The following TRIM2 variants were observed in gnomAD, a reference collection of about 807,000 sequenced individuals.
TRIM2 encodes the protein tripartite motif-containing protein 2.
TRIM2 carries 20 observed loss-of-function variants against 75.2 expected under a neutral mutation model. The ratio of observed to expected loss-of-function variants is 0.27; its 90% CI spans 0.19 to 0.39. The LOEUF (loss-of-function observed/expected upper bound fraction) is 0.39, where lower values mean the gene tolerates loss of function less well. Ranked by LOEUF, TRIM2 falls within the 10% of genes least tolerant of loss-of-function variation. The probability of loss-of-function intolerance (pLI) is 1.00; values close to 1 mark genes in which losing one functional copy is unlikely to be tolerated. For synonymous variants in TRIM2, 373 were observed against 388.3 expected, an observed-to-expected ratio of 0.96 and a Z score of 0.46; for missense variants, 660 against 990.8, an observed-to-expected ratio of 0.67 and a Z score of 4.48.
At chr4:153,263,254 C>T (rs138977152) in intron 1 of TRIM2, among the ~76,000 whole-genome samples, 2,729 of 151,818 alleles carry the variant, frequency 0.018, 40 homozygotes, top group Non-Finnish European at 0.03. Context: ...ACTTAAGCCT[C>T]GGAGGTGGAG....
At chr4:153,244,709 A>C (rs1431892994) in intron 1 of TRIM2, among the ~76,000 whole-genome samples, 6 of 152,144 alleles carry the variant, frequency 3.9e-5, no homozygotes, top group Admixed American at 3.9e-4. Flanking sequence ...TAGAGAAAGA[A>C]TTTCTGGCCT....
intron 1 of TRIM2, among the ~76,000 whole-genome samples, chr4:153,260,677 CA>C (rs1753186513): frequency 4.0e-5 from 4 of 99,006 alleles, no homozygotes; most frequent in African/African-American, 6.9e-5. Flanking sequence ...CACACACACC[CA>C]CCCACACACC....
chr4:153,256,906 A>T (rs956833802), intron 1 of TRIM2, among the ~76,000 whole-genome samples: 2 of 135,626 alleles, frequency 1.5e-5, no homozygotes, highest in Non-Finnish European at 3.3e-5. Context: ...GTGGAACTGG[A>T]CTGTTTGTTT....
At chr4:153,324,221 G>A (rs1769630805) in intron 10 of TRIM2, 73 bp downstream of exon 10, 1 of 1,318,580 alleles carries the variant, frequency 7.6e-7, no homozygotes, top group Non-Finnish European at 1.1e-6. Context: ...AGAAAATAAT[G>A]CAATACTTAC....
chr4:153,201,149 A>G (rs1056638142), upstream of TRIM2, among the ~76,000 whole-genome samples: 1 of 152,110 alleles, frequency 6.6e-6, no homozygotes, highest in Admixed American at 6.5e-5. Context: ...TTTTTAGTAG[A>G]GACAGAATTT....
chr4:153,334,553 C>G (rs886955907), intron 11 of TRIM2, among the ~76,000 whole-genome samples: 3 of 151,846 alleles, frequency 2.0e-5, no homozygotes, highest in Non-Finnish European at 4.4e-5. Flanking sequence ...AATATAAAAG[C>G]ATATATACTG....
Position 153,337,595 on chromosome 4 carries a change from G to A in TRIM2, c.*2629G>A, listed in dbSNP as rs143884249. The stretch of plus-strand genomic sequence containing the variant: ...ATATGTGCATTTACTGTATTTCTTG[G>A]TAAGCATATTTTTGGGGGAAAGTGC... On this transcript the variant is annotated 3_prime_UTR_variant, in exon 12 of 12. Transcript: ENST00000338700. 1,184 of 985,694 alleles carry A rather than the reference G, an allele frequency of 1.2e-3. 4 individuals carry two copies. In the Admixed American group the frequency reaches 0.018, roughly 15 times the overall value. 61.1% of individuals were successfully genotyped at this position (985,694 alleles called of 1,614,324 possible).
intron 6 of TRIM2, chr4:153,308,080 A>G: frequency 1.2e-6 from 1 of 829,198 alleles, no homozygotes; most frequent in Non-Finnish European, 2.1e-6. Context: ...TACCTATCAA[A>G]TACTTTCTGG....
At chr4:153,261,581 T>C (rs1406447125) in intron 1 of TRIM2, among the ~76,000 whole-genome samples, 1 of 152,186 alleles carries the variant, frequency 6.6e-6, no homozygotes, top group Non-Finnish European at 1.5e-5. Flanking sequence ...TACCCACAAA[T>C]CACATGTTAA....
intron 6 of TRIM2, chr4:153,310,125 A>C (rs1436456679): frequency 6.6e-6 from 1 of 152,196 alleles, no homozygotes; most frequent in African/African-American, 2.4e-5. Context: ...ATCTGGAAAA[A>C]CAAAATGATT....
At chr4:153,199,029 A>G (rs1048265390) in intron 1 of TRIM2, among the ~76,000 whole-genome samples, 1 of 152,248 alleles carries the variant, frequency 6.6e-6, no homozygotes, top group Non-Finnish European at 1.5e-5. Flanking sequence ...TTCAAAGAAC[A>G]CACATCTGCC....
chr4:153,156,315 G>A (rs1297539567), intron 1 of TRIM2, among the ~76,000 whole-genome samples: 4 of 152,170 alleles, frequency 2.6e-5, no homozygotes, highest in Non-Finnish European at 5.9e-5. Flanking sequence ...CTTCCTGGCC[G>A]AGTGTCTACC....
In TRIM2 at chr4:153,191,433, G is replaced by T. The variant is rs188989318; in HGVS notation, c.-49+38163G>T. Among the ~76,000 whole-genome samples the T allele has an allele frequency of 2.0e-5, 3 of 152,366 alleles. No individual in the cohort carries two copies. The East Asian group carries it at 5.8e-4, about 29-fold the overall frequency. Reference sequence around the variant, plus strand: ...GGAGAAAGAGATAACACTTTAAATTGAACATCCATCCCCGAGTGGATGCTT... The same window carrying T: ...GGAGAAAGAGATAACACTTTAAATTTAACATCCATCCCCGAGTGGATGCTT... On this transcript the variant is annotated intron_variant, in intron 1 of 11. Coordinates refer to the TRIM2 transcript ENST00000437508.
intron 1 of TRIM2, among the ~76,000 whole-genome samples, chr4:153,239,148 C>T (rs760374738): frequency 5.3e-5 from 8 of 152,070 alleles, no homozygotes; most frequent in East Asian, 1.9e-4. Flanking sequence ...GTCAGATGAT[C>T]GAGACCATCC....
chr4:153,157,966 C>T (rs1729391644), intron 1 of TRIM2, among the ~76,000 whole-genome samples: 1 of 152,234 alleles, frequency 6.6e-6, no homozygotes, highest in Admixed American at 6.5e-5. Flanking sequence ...CTATTTCTGG[C>T]TTGATAATGA....
intron 1 of TRIM2, among the ~76,000 whole-genome samples, chr4:153,157,624 C>T (rs984711817): frequency 6.6e-6 from 1 of 152,100 alleles, no homozygotes; most frequent in Admixed American, 6.5e-5. Context: ...TTAGTGACTG[C>T]GTAAAAAATG....
intron 1 of TRIM2, chr4:153,265,620 T>C (rs1318046020): frequency 6.6e-6 from 1 of 152,192 alleles, no homozygotes; most frequent in East Asian, 1.9e-4. Context: ...TGGGATTACA[T>C]GCTTGAGCCA....
At chr4:153,168,177 A>C (rs1276988748) in intron 1 of TRIM2, among the ~76,000 whole-genome samples, 4 of 152,148 alleles carry the variant, frequency 2.6e-5, no homozygotes, top group Admixed American at 2.6e-4. Flanking sequence ...GAATTGGTTA[A>C]ATAAATTGTG....
At chr4:153,277,912 C>T (rs1758384288) in intron 3 of TRIM2, among the ~76,000 whole-genome samples, 1 of 152,124 alleles carries the variant, frequency 6.6e-6, no homozygotes, top group Non-Finnish European at 1.5e-5. Flanking sequence ...TCCTCATGAC[C>T]ACTTCTCACA....
Sources: allele counts gnomAD v4.1 joint callset (sites outside exome capture counted in the v4.1 genomes callset), GRCh38; gene constraint gnomAD v4.1.1; transcripts MANE v1.5; gene names NCBI Gene and HGNC (gene_info 2026-07-23, HGNC 2026-07-21).